Variants in PARD3 observed in about 807,000 individuals in gnomAD.
The protein encoded by PARD3 is partitioning defective 3 homolog.
In PARD3, 75 loss-of-function variants were observed where a neutral mutation model predicts 155.4. The observed-to-expected ratio is 0.48, with a 90% CI of 0.40 to 0.58. PARD3 has a LOEUF of 0.58. Among genes scored for constraint, PARD3 ranks in the 20% least tolerant of loss-of-function variants. PARD3 has a pLI of 0.00. For missense variants in PARD3, 1,642 were observed against 1,721.7 expected, an observed-to-expected ratio of 0.95 and a Z score of 0.82; for synonymous variants, 576 against 610.5, an observed-to-expected ratio of 0.94 and a Z score of 0.83.
At chr10:34,367,962 T>TC (rs1169345461) in intron 12 of PARD3, among the ~76,000 whole-genome samples, 1 of 151,972 alleles carries the variant, frequency 6.6e-6, no homozygotes, top group Non-Finnish European at 1.5e-5. Context: ...TCTTGAAAGT[T>TC]AAGCATGTGG....
At chr10:34,346,972 C>T (rs139386587) in intron 15 of PARD3, among the ~76,000 whole-genome samples, 189 of 152,306 alleles carry the variant, frequency 1.2e-3, no homozygotes, top group African/African-American at 4.4e-3. Flanking sequence ...ATCTTTGTAT[C>T]TACAGCAACA....
At chr10:34,335,449 G>A (rs1321184986) in intron 18 of PARD3, among the ~76,000 whole-genome samples, 1 of 151,912 alleles carries the variant, frequency 6.6e-6, no homozygotes, top group Non-Finnish European at 1.5e-5. Flanking sequence ...GTCATAAATG[G>A]TCAATTATAC....
At chr10:34,654,981 G>A (rs571247683) in intron 2 of PARD3, among the ~76,000 whole-genome samples, 5 of 152,074 alleles carry the variant, frequency 3.3e-5, no homozygotes, top group East Asian at 3.9e-4. Flanking sequence ...GAAAACGGAC[G>A]TGCCCAGGAC....
intron 1 of PARD3, among the ~76,000 whole-genome samples, chr10:34,767,761 G>A (rs1591021875): frequency 1.3e-5 from 2 of 151,818 alleles, no homozygotes; most frequent in East Asian, 4.0e-4. Context: ...ACCACCCTGG[G>A]CTAATATTTT....
At chr10:34,295,976 A>G (rs1028607369) in intron 20 of PARD3, among the ~76,000 whole-genome samples, 5 of 152,202 alleles carry the variant, frequency 3.3e-5, no homozygotes, top group Non-Finnish European at 7.3e-5. Flanking sequence ...GGAAAGAAGG[A>G]AAACTGAGGC....
chr10:34,258,156 C>A (rs536559050), intron 22 of PARD3, among the ~76,000 whole-genome samples: 6 of 152,270 alleles, frequency 3.9e-5, no homozygotes, highest in Admixed American at 3.3e-4. Context: ...GCTTAGACTG[C>A]ATCTTGGAGA....
chr10:34,808,040 A>C (rs1305124664), intron 1 of PARD3, among the ~76,000 whole-genome samples: 3 of 152,240 alleles, frequency 2.0e-5, no homozygotes, highest in Non-Finnish European at 4.4e-5. Flanking sequence ...TAGGCCAGGC[A>C]TGGTGGCTCG....
At chr10:34,594,541 G>A (rs73267362) in intron 2 of PARD3, among the ~76,000 whole-genome samples, 3,648 of 151,616 alleles carry the variant, frequency 0.024, 148 homozygotes, top group African/African-American at 0.085. Context: ...AGTAAGTGAT[G>A]CCAGGAATTA....
At chr10:34,274,808 T>C (rs1032489765) in intron 21 of PARD3, among the ~76,000 whole-genome samples, 2 of 152,074 alleles carry the variant, frequency 1.3e-5, no homozygotes, top group Non-Finnish European at 2.9e-5. Context: ...CTTACTTACA[T>C]CAGAAAATGC....
At chr10:34,302,163 C>T (rs937527607) in intron 20 of PARD3, among the ~76,000 whole-genome samples, 1 of 152,128 alleles carries the variant, frequency 6.6e-6, no homozygotes, top group Non-Finnish European at 1.5e-5. Context: ...ATCCCACCCT[C>T]GCAAACCGAG....
At chr10:34,479,337 AT>A (rs2078919512) in intron 3 of PARD3, among the ~76,000 whole-genome samples, 7 of 151,578 alleles carry the variant, frequency 4.6e-5, no homozygotes, top group Non-Finnish European at 2.9e-5. Context: ...AATTTTTTGT[AT>A]TTTTAGTAGA....
chr10:34,417,972 A>C (rs2132384904), intron 5 of PARD3, among the ~76,000 whole-genome samples: 1 of 152,320 alleles, frequency 6.6e-6, no homozygotes, highest in African/African-American at 2.4e-5. Context: ...CATATTCATA[A>C]AAACTTAAGT....
chr10:34,308,946 C>T (rs987468176), intron 20 of PARD3, among the ~76,000 whole-genome samples: 2 of 152,038 alleles, frequency 1.3e-5, no homozygotes, highest in Admixed American at 1.3e-4. Context: ...CAAAGTTGGT[C>T]TCAAAGGAGA....
chr10:34,164,827 C>T (rs1471449111), intron 22 of PARD3, among the ~76,000 whole-genome samples: 4 of 149,406 alleles, frequency 2.7e-5, no homozygotes. Flanking sequence ...CAATTATTTC[C>T]ATAGTCATTT....
intron 5 of PARD3, among the ~76,000 whole-genome samples, chr10:34,437,497 T>A (rs1389485965): frequency 6.6e-6 from 1 of 152,138 alleles, no homozygotes; most frequent in Non-Finnish European, 1.5e-5. Flanking sequence ...TAGATCAGAA[T>A]TTGTAACATC....
At chr10:34,491,907 G>GA (rs908727443) in intron 3 of PARD3, among the ~76,000 whole-genome samples, 3 of 151,606 alleles carry the variant, frequency 2.0e-5, no homozygotes, top group East Asian at 3.9e-4. Context: ...CCACTGGGGG[G>GA]AAAAAAAATG....
In PARD3 at chr10:34,201,831, T is replaced by G. The variant is rs577202584; in HGVS notation, c.3419+67826A>C. 3.3e-5 allele frequency: 5 copies of G among 152,338 alleles called. No individual in the cohort carries two copies. The South Asian group carries it at 1.0e-3, about 32-fold the overall frequency. The allele number at this position is 152,338 out of a possible 1,614,324, so 9.4% of individuals were successfully genotyped here. A position where few individuals can be genotyped will look rare whatever the true frequency, so the allele number is the denominator to read the frequency against. The stretch of plus-strand genomic sequence containing the variant: ...AAACGTCGTTCTGTTTCGCAAACAT[T>G]CACTGAGCACTCACTTCTGCTGACC... On this transcript the variant is annotated intron_variant, in intron 22 of 24. Transcript: ENST00000374788.
chr10:34,710,002 C>T (rs967229102), intron 1 of PARD3, among the ~76,000 whole-genome samples: 12 of 151,914 alleles, frequency 7.9e-5, no homozygotes, highest in Admixed American at 3.9e-4. Context: ...TTTGGAGAGG[C>T]GGGGGGACAG....
At chr10:34,796,461 C>T (rs1262674749) in intron 1 of PARD3, among the ~76,000 whole-genome samples, 1 of 152,296 alleles carries the variant, frequency 6.6e-6, no homozygotes, top group East Asian at 1.9e-4. Context: ...GTTCAAAAAA[C>T]ATTTTTACTA....
Sources: allele counts gnomAD v4.1 joint callset (sites outside exome capture counted in the v4.1 genomes callset), GRCh38; gene constraint gnomAD v4.1.1; transcripts MANE v1.5; gene names NCBI Gene and HGNC (gene_info 2026-07-23, HGNC 2026-07-21).